ASIC2: variants seen among roughly 807,000 people sequenced by gnomAD.
ASIC2 encodes the protein acid sensing ion channel subunit 2.
ASIC2 carries 25 observed loss-of-function variants against 57.3 expected under a neutral mutation model. The observed-to-expected ratio is 0.44, with a 90% confidence interval of 0.32 to 0.61. The LOEUF (loss-of-function observed/expected upper bound fraction) is 0.61. ASIC2 is among the 20% of genes least tolerant of loss of function. The pLI, the probability that ASIC2 is intolerant of heterozygous loss-of-function variation, is 0.06. For missense variants in ASIC2, 641 were observed against 738.1 expected (o/e 0.87, Z 1.52); for synonymous variants, 319 against 307.5 (o/e 1.04, Z -0.39).
At chr17:33,038,093 CT>C (rs2141914442) in intron 3 of ASIC2, among the ~76,000 whole-genome samples, 1 of 152,334 alleles carries the variant, frequency 6.6e-6, no homozygotes, top group South Asian at 2.1e-4. Flanking sequence ...CATGAGACAG[CT>C]GTGTGACTTT....
chr17:34,091,938 T>C (rs1307726718), intron 1 of ASIC2, among the ~76,000 whole-genome samples: 1 of 152,218 alleles, frequency 6.6e-6, no homozygotes, highest in South Asian at 2.1e-4. Context: ...CAGTAGTGCA[T>C]GTCTTATATG....
chr17:33,463,602 C>T (rs920670545), intron 1 of ASIC2, among the ~76,000 whole-genome samples: 1 of 152,216 alleles, frequency 6.6e-6, no homozygotes, highest in African/African-American at 2.4e-5. Context: ...TCCATGCAAT[C>T]TGCCTGCGTG....
rs1364528420 is a variant in ASIC2, at chr17:34,059,905, C to A, written c.555+96073G>T. On this transcript the variant is annotated intron_variant, in intron 1 of 9. Coordinates refer to the ASIC2 transcript ENST00000359872. ...GCCCCCACCTGAAGGTTGTTCCCTA[C>A]CCACCCTGGTAGCAAAAGACAAAGG... Among the ~76,000 whole-genome samples, 4 of 152,354 alleles carry A rather than the reference C, an allele frequency of 2.6e-5. No homozygotes were observed. In the East Asian group the frequency reaches 7.7e-4, roughly 29 times the overall value.
At chr17:34,021,309 T>A (rs555673784) in intron 1 of ASIC2, among the ~76,000 whole-genome samples, 1 of 152,084 alleles carries the variant, frequency 6.6e-6, no homozygotes, top group South Asian at 2.1e-4. Context: ...CTCAGGGCCC[T>A]GCAATCTTGC....
At chr17:33,331,611 T>C (rs1448717696) in intron 1 of ASIC2, among the ~76,000 whole-genome samples, 2 of 152,262 alleles carry the variant, frequency 1.3e-5, no homozygotes, top group Non-Finnish European at 2.9e-5. Context: ...CAGGTCTGTG[T>C]TGATTCATGA....
At chr17:33,281,134 G>A (rs994235868) in intron 1 of ASIC2, among the ~76,000 whole-genome samples, 54 of 152,134 alleles carry the variant, frequency 3.5e-4, no homozygotes, top group African/African-American at 1.3e-3. Context: ...AGTGACCTGC[G>A]GTGTGACCTT....
At chr17:34,033,369 G>C (rs1368161036) in intron 1 of ASIC2, among the ~76,000 whole-genome samples, 1 of 152,012 alleles carries the variant, frequency 6.6e-6, no homozygotes, top group Non-Finnish European at 1.5e-5. Flanking sequence ...AAAGCAGTGT[G>C]TAGAGGGAAA....
intron 1 of ASIC2, among the ~76,000 whole-genome samples, chr17:33,497,982 G>T (rs999995654): frequency 2.0e-5 from 3 of 152,232 alleles, no homozygotes; most frequent in African/African-American, 7.2e-5. Flanking sequence ...ATAGCCAAGG[G>T]AAGTTCCTCA....
chr17:33,880,715 A>G (rs973724667), intron 1 of ASIC2, among the ~76,000 whole-genome samples: 1 of 152,198 alleles, frequency 6.6e-6, no homozygotes, highest in Non-Finnish European at 1.5e-5. Context: ...TGAAACTACT[A>G]TTCTGATCAA....
intron 1 of ASIC2, among the ~76,000 whole-genome samples, chr17:33,506,129 T>C (rs928292860): frequency 2.0e-5 from 3 of 149,990 alleles, no homozygotes; most frequent in Non-Finnish European, 4.4e-5. Context: ...GTGTGGTGGC[T>C]CACGCCTGTA....
chr17:34,141,860 T>C (rs1912281396), intron 1 of ASIC2, among the ~76,000 whole-genome samples: 1 of 152,242 alleles, frequency 6.6e-6, no homozygotes, highest in Admixed American at 6.5e-5. Flanking sequence ...AATGGTGTTC[T>C]TGCCTCATTG....
chr17:34,131,278 T>C lies in ASIC2; in HGVS notation c.555+24700A>G, dbSNP rs561830147. On this transcript the variant is annotated intron_variant, in intron 1 of 9. Coordinates refer to the ASIC2 transcript ENST00000359872. ...AGAGCTGTGTTTCAGACAGGGCCAT[T>C]TGGTCATGGGAATAATGGGGATGGA... Among the ~76,000 whole-genome samples the C allele has an allele frequency of 4.6e-5, 7 of 151,674 alleles. No individual in the cohort carries two copies. In the East Asian group the frequency reaches 1.4e-3, roughly 30 times the overall value.
intron 1 of ASIC2, among the ~76,000 whole-genome samples, chr17:33,259,983 G>C (rs190184416): frequency 9.3e-4 from 142 of 152,254 alleles, no homozygotes; most frequent in Non-Finnish European, 1.7e-3. Context: ...AAGATGCTGA[G>C]GGATATTGGC....
At chr17:33,764,943 C>G (rs1391177470) in intron 1 of ASIC2, among the ~76,000 whole-genome samples, 1 of 152,074 alleles carries the variant, frequency 6.6e-6, no homozygotes, top group Admixed American at 6.6e-5. Flanking sequence ...TCAGCCTGGG[C>G]GTATGCTGAT....
chr17:33,230,675 T>G (rs748790368), intron 1 of ASIC2, among the ~76,000 whole-genome samples: 2 of 151,686 alleles, frequency 1.3e-5, no homozygotes, highest in Admixed American at 6.6e-5. Context: ...GTCAGTATTG[T>G]GTAAGCTGTC....
At chr17:33,347,464 C>T (rs758355036) in intron 1 of ASIC2, among the ~76,000 whole-genome samples, 3 of 152,056 alleles carry the variant, frequency 2.0e-5, no homozygotes, top group Non-Finnish European at 4.4e-5. Flanking sequence ...CACCAAGTGC[C>T]GGTTTGAGTC....
At chr17:33,662,742 C>T (rs1351721867) in intron 1 of ASIC2, among the ~76,000 whole-genome samples, 102 of 133,824 alleles carry the variant, frequency 7.6e-4, no homozygotes, top group South Asian at 2.6e-3. Flanking sequence ...CCCTCCTTCC[C>T]TCCCTTCCTT....
chr17:33,766,027 A>G (rs1910924416), intron 1 of ASIC2, among the ~76,000 whole-genome samples: 1 of 152,118 alleles, frequency 6.6e-6, no homozygotes, highest in African/African-American at 2.4e-5. Flanking sequence ...TTGTCTTGCC[A>G]TTGCAGGTGG....
chr17:34,080,301 T>A (rs1326312785), intron 1 of ASIC2, among the ~76,000 whole-genome samples: 1 of 152,176 alleles, frequency 6.6e-6, no homozygotes, highest in Non-Finnish European at 1.5e-5. Flanking sequence ...TGCCCCTGGA[T>A]TTGTGCAATG....
Sources: allele counts gnomAD v4.1 joint callset (sites outside exome capture counted in the v4.1 genomes callset), GRCh38; gene constraint gnomAD v4.1.1; transcripts MANE v1.5; gene names NCBI Gene and HGNC (gene_info 2026-07-23, HGNC 2026-07-21).